The following EXOC4 variants were observed in gnomAD, a reference collection of about 807,000 sequenced individuals.
EXOC4 encodes the protein SEC8-like 1.
In EXOC4, 71 loss-of-function variants were observed where a neutral mutation model predicts 107.2. The ratio of observed to expected loss-of-function variants is 0.66; its 90% CI spans 0.55 to 0.81. The LOEUF (loss-of-function observed/expected upper bound fraction) is 0.81. Among genes scored for constraint, EXOC4 ranks in the 30% least tolerant of loss-of-function variants. EXOC4 has a pLI of 0.00. For missense variants in EXOC4, 1,108 were observed against 1,189.6 expected (o/e 0.93, Z 1.01); for synonymous variants, 456 against 441.2 (o/e 1.03, Z -0.42).
At chr7:133,772,943 G>C (rs1796274285) in intron 10 of EXOC4, among the ~76,000 whole-genome samples, 1 of 151,976 alleles carries the variant, frequency 6.6e-6, no homozygotes, top group South Asian at 2.1e-4. Context: ...CTGTAAAATG[G>C]ACATAGGAAT....
At chr7:133,590,901 G>C (rs1801525589) in intron 9 of EXOC4, among the ~76,000 whole-genome samples, 1 of 152,184 alleles carries the variant, frequency 6.6e-6, no homozygotes, top group Non-Finnish European at 1.5e-5. Context: ...AAAGCTAAGA[G>C]GGCACAGTAT....
intron 10 of EXOC4, among the ~76,000 whole-genome samples, chr7:133,648,939 T>C (rs552940016): frequency 1.5e-4 from 23 of 152,306 alleles, no homozygotes; most frequent in African/African-American, 5.3e-4. Flanking sequence ...TCCCATTTAG[T>C]GCCTTTAATA....
chr7:133,477,765 T>C (rs1465913071), intron 8 of EXOC4, among the ~76,000 whole-genome samples: 1 of 152,252 alleles, frequency 6.6e-6, no homozygotes, highest in African/African-American at 2.4e-5. Context: ...TTTAAATCTT[T>C]TTAAATTAGT....
chr7:133,259,939 C>G (rs1795105420), intron 1 of EXOC4, among the ~76,000 whole-genome samples: 1 of 152,132 alleles, frequency 6.6e-6, no homozygotes, highest in Non-Finnish European at 1.5e-5. Context: ...TAACCACTGT[C>G]CAGCTGGAAA....
chr7:133,889,401 T>G (rs1392593322), intron 11 of EXOC4, among the ~76,000 whole-genome samples: 2 of 151,042 alleles, frequency 1.3e-5, no homozygotes, highest in Non-Finnish European at 3.0e-5. Context: ...ACAGAGCTAT[T>G]TTATTATTAT....
At chr7:133,902,863 A>C (rs1488620087) in intron 12 of EXOC4, among the ~76,000 whole-genome samples, 1 of 115,676 alleles carries the variant, frequency 8.6e-6, no homozygotes, top group African/African-American at 4.3e-5. Context: ...CAAAAAAACA[A>C]AACAAAAAAA....
At chr7:133,762,542 A>G (rs1796054011) in intron 10 of EXOC4, among the ~76,000 whole-genome samples, 1 of 152,158 alleles carries the variant, frequency 6.6e-6, no homozygotes. Context: ...TCACTGATAG[A>G]TATTTATATC....
intron 10 of EXOC4, among the ~76,000 whole-genome samples, chr7:133,722,959 T>C (rs1795134974): frequency 1.3e-5 from 2 of 152,244 alleles, no homozygotes; most frequent in Non-Finnish European, 2.9e-5. Context: ...TCAGTGATCA[T>C]CATACAGATT....
At chr7:134,011,412 C>T (rs1169628510) in intron 17 of EXOC4, among the ~76,000 whole-genome samples, 2 of 152,192 alleles carry the variant, frequency 1.3e-5, no homozygotes, top group African/African-American at 4.8e-5. Flanking sequence ...GCCTCTTCAG[C>T]TGTCTCTTTT....
At position 133,466,273 on chromosome 7, in the gene EXOC4, A is replaced by AAAGATC. The variant is rs533631992; in HGVS notation, c.1183-9052_1183-9047dup. Among the ~76,000 whole-genome samples the AAAGATC allele has an allele frequency of 3.6e-3, 549 of 152,308 alleles. 4 individuals carry two copies. Among genetic ancestry groups the AAAGATC allele is most frequent in the Non-Finnish European group, 5.2e-3 (355 of 68,028 alleles). Reference sequence around the variant, plus strand: ...GTGGAACCAAATAGAGGTCTTTTGAAAAGATCAAAAATTGATATATCTTTA... The same window carrying AAAGATC: ...GTGGAACCAAATAGAGGTCTTTTGAAAAGATCAAGATCAAAAATTGATATATCTTTA... On this transcript the variant is annotated intron_variant, in intron 7 of 17. Transcript: ENST00000253861.
chr7:133,907,899 C>T (rs945986083), intron 12 of EXOC4, among the ~76,000 whole-genome samples: 1 of 152,128 alleles, frequency 6.6e-6, no homozygotes, highest in Non-Finnish European at 1.5e-5. Flanking sequence ...CTGCTCTGAA[C>T]TCTTAGCTTC....
chr7:133,831,803 AC>A (rs1797816854), intron 11 of EXOC4, among the ~76,000 whole-genome samples: 1 of 152,252 alleles, frequency 6.6e-6, no homozygotes, highest in Admixed American at 6.5e-5. Context: ...GTATATACTA[AC>A]CCTTGAATAT....
chr7:133,558,189 C>CTCTTTTCTTTTCTTTTCTTTTTTTT (rs1800731934), intron 9 of EXOC4, among the ~76,000 whole-genome samples: 13 of 114,360 alleles, frequency 1.1e-4, no homozygotes, highest in African/African-American at 4.3e-4. Flanking sequence ...TTGGTTCCTT[C>CTCTTTTCTTTTCTTTTCTTTTTTTT]TCTTTTCTTT....
chr7:133,686,991 TTTTG>T (rs1372395691), intron 10 of EXOC4, among the ~76,000 whole-genome samples: 6,117 of 144,682 alleles, frequency 0.042, 121 homozygotes, highest in African/African-American at 0.047. Flanking sequence ...GGATAAAGAA[TTTTG>T]TGTGTGTGTG....
chr7:134,057,914 A>G (rs1487031905), intron 17 of EXOC4, among the ~76,000 whole-genome samples: 1 of 152,364 alleles, frequency 6.6e-6, no homozygotes, highest in East Asian at 1.9e-4. Flanking sequence ...GCTAGTTAGT[A>G]GCGAAGAATG....
intron 5 of EXOC4, among the ~76,000 whole-genome samples, chr7:133,340,192 T>C (rs138084318): frequency 6.6e-6 from 1 of 152,268 alleles, no homozygotes; most frequent in Non-Finnish European, 1.5e-5. Flanking sequence ...CTTTGTATGC[T>C]GATTTTGCAG....
At chr7:133,468,156 C>T (rs1457536676) in intron 7 of EXOC4, among the ~76,000 whole-genome samples, 1 of 152,090 alleles carries the variant, frequency 6.6e-6, no homozygotes, top group Non-Finnish European at 1.5e-5. Flanking sequence ...ATCAGATGTT[C>T]GATACAGGAC....
chr7:133,354,214 TTTG>T (rs1795974495), intron 5 of EXOC4, among the ~76,000 whole-genome samples: 2 of 152,158 alleles, frequency 1.3e-5, no homozygotes, highest in Non-Finnish European at 2.9e-5. Flanking sequence ...TTTGTGATTT[TTTG>T]TTGTTGTTGA....
chr7:133,717,750 G>A (rs1466180532), intron 10 of EXOC4, among the ~76,000 whole-genome samples: 1 of 152,166 alleles, frequency 6.6e-6, no homozygotes, highest in African/African-American at 2.4e-5. Flanking sequence ...GCCTGTTGAA[G>A]TTACTAAATA....
Sources: allele counts gnomAD v4.1 joint callset (sites outside exome capture counted in the v4.1 genomes callset), GRCh38; gene constraint gnomAD v4.1.1; transcripts MANE v1.5; gene names NCBI Gene and HGNC (gene_info 2026-07-23, HGNC 2026-07-21).